Variants in USP25 observed in about 807,000 individuals in gnomAD.
USP25 encodes ubiquitin specific peptidase 25.
In USP25, 85 loss-of-function variants were observed where a neutral mutation model predicts 158.5. The ratio of observed to expected loss-of-function variants is 0.54; its 90% CI spans 0.45 to 0.64. The LOEUF is 0.64. USP25 is among the 30% of genes least tolerant of loss of function. USP25 has a pLI of 0.00. For missense variants in USP25, 1,242 were observed against 1,327.3 expected, an observed-to-expected ratio of 0.94 and a Z score of 1.00; for synonymous variants, 464 against 460.4, an observed-to-expected ratio of 1.01 and a Z score of -0.10.
At chr21:15,817,276 C>G (rs1269960844) in intron 9 of USP25, among the ~76,000 whole-genome samples, 2 of 151,808 alleles carry the variant, frequency 1.3e-5, no homozygotes, top group Admixed American at 6.6e-5. Flanking sequence ...CCTGCTCAGT[C>G]AAGTCCTGTT....
intron 9 of USP25, among the ~76,000 whole-genome samples, chr21:15,811,619 T>C (rs1005335838): frequency 1.3e-5 from 2 of 152,322 alleles, no homozygotes; most frequent in African/African-American, 2.4e-5. Context: ...CAGGGTATTA[T>C]AGAGTTCTCA....
At chr21:15,812,159 A>G (rs1048555767) in intron 9 of USP25, among the ~76,000 whole-genome samples, 3 of 150,858 alleles carry the variant, frequency 2.0e-5, no homozygotes, top group Non-Finnish European at 4.4e-5. Flanking sequence ...AAGTTTATAT[A>G]TATATGTAGA....
At chr21:15,734,646 TTTC>T (rs1457119127) in intron 1 of USP25, among the ~76,000 whole-genome samples, 2 of 145,462 alleles carry the variant, frequency 1.4e-5, no homozygotes, top group South Asian at 2.1e-4. Flanking sequence ...TTCTGACCTC[TTTC>T]TTGTCATTAT....
At chr21:15,775,184 T>C (rs1323126830) in intron 3 of USP25, among the ~76,000 whole-genome samples, 1 of 152,224 alleles carries the variant, frequency 6.6e-6, no homozygotes, top group African/African-American at 2.4e-5. Context: ...ATCTTGTTTT[T>C]TGCTTTTTTG....
intron 16 of USP25, among the ~76,000 whole-genome samples, chr21:15,832,704 A>C (rs957394107): frequency 1.3e-5 from 2 of 150,914 alleles, no homozygotes; most frequent in African/African-American, 4.9e-5. Flanking sequence ...GTAGTATTAC[A>C]TCACTGTTAG....
intron 20 of USP25, among the ~76,000 whole-genome samples, chr21:15,857,842 G>A (rs1219157886): frequency 2.0e-5 from 3 of 151,974 alleles, no homozygotes. Flanking sequence ...TTGATTACAG[G>A]ATAGAAGATT....
chr21:15,876,039 T>C (rs2040085063), intron 24 of USP25: 1 of 152,192 alleles, frequency 6.6e-6, no homozygotes, highest in Non-Finnish European at 1.5e-5. Context: ...CGGCATGTCA[T>C]AGCTGTTGGG....
chr21:15,868,484 CATT>C (rs1216366612), intron 22 of USP25, among the ~76,000 whole-genome samples: 2 of 152,094 alleles, frequency 1.3e-5, no homozygotes, highest in East Asian at 3.9e-4. Flanking sequence ...AGATTGGACT[CATT>C]ATGTTTTTTT....
intron 20 of USP25, among the ~76,000 whole-genome samples, chr21:15,854,866 A>C (rs901781126): frequency 6.6e-6 from 1 of 152,198 alleles, no homozygotes; most frequent in African/African-American, 2.4e-5. Context: ...GCTACACTAC[A>C]CTAACTTGAG....
intron 20 of USP25, among the ~76,000 whole-genome samples, chr21:15,862,909 T>C (rs1013319875): frequency 1.3e-5 from 2 of 152,016 alleles, no homozygotes; most frequent in African/African-American, 4.8e-5. Flanking sequence ...TGTTTATCAG[T>C]TATTTTTTCT....
At position 15,813,832 on chromosome 21, in the gene USP25, G is replaced by A. The variant is rs1258320923; in HGVS notation, c.931+2622G>A. Among the ~76,000 whole-genome samples, 3 of 151,984 alleles carry A rather than the reference G, an allele frequency of 2.0e-5. No individual in the cohort carries two copies. In the East Asian group the frequency reaches 5.9e-4, roughly 30 times the overall value. On this transcript the variant is annotated intron_variant, in intron 9 of 25. Coordinates refer to ENST00000400183, the MANE Select transcript of USP25 (RefSeq NM_001283041.3). ...AGTTTAGTTTCTGGCTTCAGAACTT[G>A]TCTAAAAGGGATCTTGCTAAGGTTA...
chr21:15,826,879 T>C lies in USP25; in HGVS notation c.1467-98T>C. On this transcript the variant is annotated intron_variant, in intron 13 of 25. Coordinates refer to ENST00000400183, the MANE Select transcript of USP25 (RefSeq NM_001283041.3). This position sits in a 1 kb window ranked among gnomAD's most constrained non-coding sequence, Gnocchi z 4.8. Reference sequence around the variant, plus strand: ...CATATTTCTTTAAGATTTTTTCTTTTGAATTACAAGCCAATTTAATACTGT... The same window carrying C: ...CATATTTCTTTAAGATTTTTTCTTTCGAATTACAAGCCAATTTAATACTGT... 8.3e-7 allele frequency: 1 copy of C among 1,211,182 alleles called. No individual in the cohort carries two copies. Among genetic ancestry groups the C allele is most frequent in the East Asian group, 2.4e-5 (1 of 42,158 alleles). 75.0% of individuals were successfully genotyped at this position (1,211,182 alleles called of 1,614,324 possible).
chr21:15,762,142 A>ACCAGCATGGC (rs1555827614), intron 1 of USP25, among the ~76,000 whole-genome samples: 5 of 151,232 alleles, frequency 3.3e-5, no homozygotes, highest in South Asian at 2.1e-4. Context: ...AAAAGATTTC[A>ACCAGCATGGC]ATAGATCCTA....
intron 1 of USP25, chr21:15,744,289 T>C (rs899403129): frequency 2.6e-5 from 4 of 152,532 alleles, no homozygotes; most frequent in Admixed American, 2.0e-4. Context: ...TCCATCTTGG[T>C]GTTGGCTTAG....
rs117527801 is a variant in USP25, at chr21:15,835,365, G to A, written c.2194+1817G>A. Reference sequence around the variant, plus strand: ...ATATTTTATTTCTGCTTAGTCAAACGAATACATATTTCCAACTAATATTCC... The same window carrying A: ...ATATTTTATTTCTGCTTAGTCAAACAAATACATATTTCCAACTAATATTCC... On this transcript the variant is annotated intron_variant, in intron 17 of 25. Coordinates refer to ENST00000400183, the MANE Select transcript of USP25 (RefSeq NM_001283041.3). Among the ~76,000 whole-genome samples the A allele has an allele frequency of 5.6e-4, 85 of 152,140 alleles. 1 individual carries two copies. In the East Asian group the frequency reaches 0.015, roughly 26 times the overall value.
Position 15,799,738 on chromosome 21 carries a change from A to G in USP25, c.556-19A>G. Reference sequence around the variant, plus strand: ...TGGAATTTTCCCTCAGGTTATGTTAAATTGTTGTTCTTTTTCAGTCATTAT... The same window carrying G: ...TGGAATTTTCCCTCAGGTTATGTTAGATTGTTGTTCTTTTTCAGTCATTAT... On this transcript the variant is annotated intron_variant, in intron 5 of 25. Coordinates refer to ENST00000400183, the MANE Select transcript of USP25 (RefSeq NM_001283041.3). 1 of 1,546,214 alleles carries G rather than the reference A, an allele frequency of 6.5e-7. No homozygotes were observed. Among genetic ancestry groups the G allele is most frequent in the East Asian group, 2.3e-5 (1 of 44,260 alleles).
intron 20 of USP25, among the ~76,000 whole-genome samples, chr21:15,859,595 G>T (rs1227357782): frequency 1.3e-5 from 2 of 152,052 alleles, no homozygotes; most frequent in Admixed American, 1.3e-4. Context: ...AACATCGTGG[G>T]CTTGATATCT....
At chr21:15,820,306 C>T (rs994404925) in intron 10 of USP25, among the ~76,000 whole-genome samples, 1 of 151,894 alleles carries the variant, frequency 6.6e-6, no homozygotes, top group African/African-American at 2.4e-5. Flanking sequence ...CACATATTCC[C>T]AGCTTTTAAA....
intron 4 of USP25, among the ~76,000 whole-genome samples, chr21:15,778,470 A>G (rs2034784204): frequency 6.6e-6 from 1 of 152,144 alleles, no homozygotes; most frequent in Non-Finnish European, 1.5e-5. Context: ...GATAAATAAT[A>G]TAATGAGCTT....
Sources: allele counts gnomAD v4.1 joint callset (sites outside exome capture counted in the v4.1 genomes callset), GRCh38; gene constraint gnomAD v4.1.1; non-coding constraint Gnocchi (gnomAD v3.1); transcripts MANE v1.5; gene names NCBI Gene and HGNC (gene_info 2026-07-23, HGNC 2026-07-21).